Variants in PDE1A observed in about 807,000 individuals in gnomAD.
PDE1A encodes dual specificity calcium/calmodulin-dependent 3',5'-cyclic nucleotide phosphodiesterase 1A.
In PDE1A, 35 loss-of-function variants were observed where a neutral mutation model predicts 61.7. The ratio of observed to expected loss-of-function variants is 0.57; its 90% confidence interval spans 0.43 to 0.75. The LOEUF (loss-of-function observed/expected upper bound fraction) is 0.75. Among genes scored for constraint, PDE1A ranks in the 30% least tolerant of loss-of-function variants. PDE1A has a pLI of 0.00. For synonymous variants in PDE1A, 232 were observed against 213.2 expected, an observed-to-expected ratio of 1.09 and a Z score of -0.77; for missense variants, 597 against 630.6, an observed-to-expected ratio of 0.95 and a Z score of 0.57.
intron 1 of PDE1A, among the ~76,000 whole-genome samples, chr2:182,400,014 A>C: frequency 6.6e-6 from 1 of 151,664 alleles, no homozygotes; most frequent in East Asian, 2.0e-4. Context: ...AGATAGTAAA[A>C]ATTCACACTC....
intron 8 of PDE1A, among the ~76,000 whole-genome samples, chr2:182,202,851 T>A (rs1440072818): frequency 1.3e-5 from 2 of 152,176 alleles, no homozygotes; most frequent in Non-Finnish European, 2.9e-5. Flanking sequence ...GTTTGCTCTA[T>A]ACAGATAAGT....
At chr2:182,280,527 T>C (rs1397602527) in intron 1 of PDE1A, among the ~76,000 whole-genome samples, 1 of 151,984 alleles carries the variant, frequency 6.6e-6, no homozygotes, top group East Asian at 1.9e-4. Context: ...ACTTGATTGA[T>C]AGTCTGACAG....
chr2:182,489,152 T>C (rs568877236), intron 2 of PDE1A, among the ~76,000 whole-genome samples: 2 of 152,286 alleles, frequency 1.3e-5, no homozygotes, highest in African/African-American at 4.8e-5. Flanking sequence ...GCACTATGAA[T>C]GTATCTCAGA....
chr2:182,424,009 A>G (rs1703446440), intron 1 of PDE1A, among the ~76,000 whole-genome samples: 1 of 149,098 alleles, frequency 6.7e-6, no homozygotes, highest in South Asian at 2.1e-4. Context: ...CAGTGGCGCA[A>G]TTTCAGCTCA....
the PDE1A span, among the ~76,000 whole-genome samples, chr2:182,633,184 T>C: frequency 6.6e-6 from 1 of 152,150 alleles, no homozygotes; most frequent in Non-Finnish European, 1.5e-5. Flanking sequence ...AATGGGTAAA[T>C]AGCACAACAT....
intron 4 of PDE1A, among the ~76,000 whole-genome samples, chr2:182,232,712 A>T (rs1444776726): frequency 6.6e-6 from 1 of 152,234 alleles, no homozygotes; most frequent in Non-Finnish European, 1.5e-5. Flanking sequence ...GGCATTTTAC[A>T]TCAGTAAATC....
chr2:182,212,948 C>T (rs12104898), intron 7 of PDE1A, among the ~76,000 whole-genome samples: 106,520 of 148,826 alleles, frequency 0.72, 38,442 homozygotes, highest in East Asian at 0.91. Flanking sequence ...CTCTGTAGGC[C>T]CCACCTCTGG....
chr2:182,716,119 C>T, the PDE1A span: 2 of 152,654 alleles, frequency 1.3e-5, no homozygotes, highest in African/African-American at 4.8e-5. Flanking sequence ...GGAGCCGGAT[C>T]CCGCGCACAC....
At chr2:182,288,911 G>C (rs1177687161) in intron 1 of PDE1A, among the ~76,000 whole-genome samples, 1 of 152,024 alleles carries the variant, frequency 6.6e-6, no homozygotes, top group Non-Finnish European at 1.5e-5. Context: ...TAGTAATCTG[G>C]TTTAAGATTT....
chr2:182,333,171 C>T (rs567681897), intron 1 of PDE1A, among the ~76,000 whole-genome samples: 30 of 152,212 alleles, frequency 2.0e-4, no homozygotes, highest in East Asian at 1.5e-3. Context: ...GACAGATCAA[C>T]GAGACAGAAA....
chr2:182,292,625 C>A (rs919828936), intron 1 of PDE1A, among the ~76,000 whole-genome samples: 1 of 151,852 alleles, frequency 6.6e-6, no homozygotes, highest in African/African-American at 2.4e-5. Context: ...ACAAAATTTG[C>A]TATTTTTATT....
At chr2:182,553,759 A>G in the PDE1A span, among the ~76,000 whole-genome samples, 3 of 152,222 alleles carry the variant, frequency 2.0e-5, no homozygotes, top group South Asian at 4.1e-4. Flanking sequence ...CATTTTCTAG[A>G]TGGAAAATGA....
At position 182,200,132 on chromosome 2, in the gene PDE1A, A is replaced by T. The variant is rs371700512; in HGVS notation, c.1125+1307T>A. ...AATCTGAAAATACAGAAATAAAAGA[A>T]CTTCTCTAAGTGGGACTGTGATATA... On this transcript the variant is annotated intron_variant, in intron 10 of 13. Coordinates refer to ENST00000351439, the Ensembl canonical transcript of PDE1A. Among the ~76,000 whole-genome samples, 20 of 152,316 alleles carry T rather than the reference A, an allele frequency of 1.3e-4. 1 individual carries two copies. The East Asian group carries it at 1.9e-3, about 15-fold the overall frequency.
At chr2:182,674,848 GACA>G in the PDE1A span, among the ~76,000 whole-genome samples, 1 of 152,106 alleles carries the variant, frequency 6.6e-6, no homozygotes, top group East Asian at 1.9e-4. Flanking sequence ...AATCCCAGCA[GACA>G]ACATGTATTC....
At chr2:182,522,192 C>A in intron 2 of PDE1A, 4 of 1,130,320 alleles carry the variant, frequency 3.5e-6, no homozygotes, top group Non-Finnish European at 5.3e-6. Context: ...GGAAACTAGC[C>A]CACAAAGGCG....
intron 1 of PDE1A, among the ~76,000 whole-genome samples, chr2:182,391,137 G>A (rs1701396251): frequency 6.6e-6 from 1 of 152,146 alleles, no homozygotes. Flanking sequence ...TTAAGGGTGT[G>A]AGATAATGGT....
chr2:182,210,615 C>T (rs950722735), intron 7 of PDE1A, among the ~76,000 whole-genome samples: 2 of 152,042 alleles, frequency 1.3e-5, no homozygotes, highest in African/African-American at 4.8e-5. Flanking sequence ...TTTTTAGTCT[C>T]TTGATAGTGT....
chr2:182,522,578 A>T, intron 1 of PDE1A: 1 of 1,370,170 alleles, frequency 7.3e-7, no homozygotes, highest in Non-Finnish European at 9.4e-7. Context: ...CCACCTCACC[A>T]CCCCCCTAAG....
At chr2:182,386,490 G>A (rs554753747) in intron 1 of PDE1A, among the ~76,000 whole-genome samples, 98 of 150,694 alleles carry the variant, frequency 6.5e-4, no homozygotes, top group African/African-American at 2.1e-3. Context: ...GCCTCTGCCC[G>A]GCCGCGACCC....
Sources: allele counts gnomAD v4.1 joint callset (sites outside exome capture counted in the v4.1 genomes callset), GRCh38; gene constraint gnomAD v4.1.1; transcripts MANE v1.5; gene names NCBI Gene and HGNC (gene_info 2026-07-23, HGNC 2026-07-21).